PAQR5: variants seen among roughly 807,000 people sequenced by gnomAD.
PAQR5 encodes membrane progestin receptor gamma.
PAQR5 carries 20 observed loss-of-function variants against 34.5 expected under a neutral mutation model. The ratio of observed to expected loss-of-function variants is 0.58; its 90% CI spans 0.41 to 0.84. PAQR5 has a LOEUF of 0.84. PAQR5 is among the 40% of genes least tolerant of loss of function. The pLI is 0.00. For synonymous variants in PAQR5, 131 were observed against 155.6 expected, an observed-to-expected ratio of 0.84 and a Z score of 1.18; for missense variants, 378 against 412.7, an observed-to-expected ratio of 0.92 and a Z score of 0.73.
intron 1 of PAQR5, among the ~76,000 whole-genome samples, chr15:69,335,160 G>T (rs566968178): frequency 6.6e-6 from 1 of 151,314 alleles, no homozygotes; most frequent in South Asian, 2.1e-4. Context: ...GGAGGTGGAG[G>T]TTGTAGTGAG....
At chr15:69,351,998 T>A (rs1244984738) in intron 2 of PAQR5, among the ~76,000 whole-genome samples, 1 of 152,170 alleles carries the variant, frequency 6.6e-6, no homozygotes, top group African/African-American at 2.4e-5. Context: ...TAGTTGTGAG[T>A]GGATCCTAGA....
chr15:69,362,598 C>T (rs1478849972), intron 3 of PAQR5, among the ~76,000 whole-genome samples: 1 of 152,232 alleles, frequency 6.6e-6, no homozygotes, highest in African/African-American at 2.4e-5. Context: ...AAGATAATCT[C>T]TCTACCTCAG....
At chr15:69,311,875 A>G (rs903318332) in intron 1 of PAQR5, among the ~76,000 whole-genome samples, 2 of 152,336 alleles carry the variant, frequency 1.3e-5, no homozygotes, top group Admixed American at 6.5e-5. Flanking sequence ...CATCAATTAA[A>G]ATCCTGCAGG....
chr15:69,307,125 C>T (rs564404333), intron 1 of PAQR5, among the ~76,000 whole-genome samples: 129 of 150,672 alleles, frequency 8.6e-4, no homozygotes, highest in Non-Finnish European at 1.5e-3. Context: ...GAGATAGTCT[C>T]GCTCTGTCAC....
At chr15:69,381,066 G>A (rs1289066174) in intron 4 of PAQR5, among the ~76,000 whole-genome samples, 3 of 152,236 alleles carry the variant, frequency 2.0e-5, no homozygotes, top group Non-Finnish European at 2.9e-5. Context: ...GGACTAGGGT[G>A]ATCTGTAAAG....
chr15:69,310,081 A>G (rs2053798082), intron 1 of PAQR5, among the ~76,000 whole-genome samples: 1 of 152,052 alleles, frequency 6.6e-6, no homozygotes, highest in Admixed American at 6.6e-5. Flanking sequence ...ACGAAACAAC[A>G]ACAACAACAA....
At chr15:69,344,507 C>G (rs761833277) in intron 2 of PAQR5, among the ~76,000 whole-genome samples, 2 of 152,214 alleles carry the variant, frequency 1.3e-5, no homozygotes, top group Non-Finnish European at 2.9e-5. Flanking sequence ...CTTTCAAATG[C>G]TAACTAACCA....
chr15:69,325,422 A>G (rs2054226737), intron 1 of PAQR5, among the ~76,000 whole-genome samples: 1 of 152,200 alleles, frequency 6.6e-6, no homozygotes, highest in East Asian at 1.9e-4. Context: ...TGAGTCTGCA[A>G]TAACCACTGC....
At chr15:69,309,401 T>G (rs1265747030) in intron 1 of PAQR5, among the ~76,000 whole-genome samples, 1 of 151,780 alleles carries the variant, frequency 6.6e-6, no homozygotes, top group Non-Finnish European at 1.5e-5. Flanking sequence ...GATTTTGAAG[T>G]GCTATGAGGA....
chr15:69,384,766 C>T lies in PAQR5; in HGVS notation c.269C>T (p.Thr90Ile), dbSNP rs1249235439. 7 of 1,613,454 alleles carry T rather than the reference C, an allele frequency of 4.3e-6. No homozygotes were observed. Among genetic ancestry groups the T allele is most frequent in the African/African-American group, 1.3e-5 (1 of 74,878 alleles). Residue 90 changes from threonine to isoleucine, a missense_variant, in exon 5 of 9, where the codon ACC becomes ATC. Transcript: ENST00000395407. ...YSWPMLVYMCTSCVYPLVSSC... is the reference protein window; with the variant it reads ...YSWPMLVYMCISCVYPLVSSC... ...TGGCCCATGCTTGTGTACATGTGCA[C>T]CAGCTGCGTGTACCCACTTGTGTCC...
At chr15:69,330,870 C>A (rs1390380386) in intron 1 of PAQR5, among the ~76,000 whole-genome samples, 1 of 152,206 alleles carries the variant, frequency 6.6e-6, no homozygotes, top group Non-Finnish European at 1.5e-5. Flanking sequence ...CCCTTGGGCA[C>A]TTACAAATTT....
intron 1 of PAQR5, among the ~76,000 whole-genome samples, chr15:69,323,435 C>G (rs1203396499): frequency 6.6e-6 from 1 of 152,166 alleles, no homozygotes; most frequent in Non-Finnish European, 1.5e-5. Context: ...GACTTGGTCC[C>G]CAGCTCCCCT....
intron 6 of PAQR5, 177 bp from the exon 7 acceptor site, chr15:69,397,291 T>C (rs758764216): frequency 1.4e-6 from 1 of 702,498 alleles, no homozygotes; most frequent in South Asian, 1.5e-5. Context: ...TTTTGTCACT[T>C]CCATTGGGGT....
chr15:69,374,274 A>G (rs921496539), intron 3 of PAQR5, among the ~76,000 whole-genome samples: 1 of 152,160 alleles, frequency 6.6e-6, no homozygotes, highest in African/African-American at 2.4e-5. Flanking sequence ...TTGAGAGCCT[A>G]AGTATTTCTG....
At chr15:69,382,778 A>G (rs1292029976) in intron 4 of PAQR5, 1 of 2,076 alleles carries the variant, frequency 4.8e-4, no homozygotes, top group Admixed American at 5.8e-3. Flanking sequence ...ATATGTGACC[A>G]TATATATATA....
chr15:69,353,656 C>T (rs2140804727), intron 2 of PAQR5, among the ~76,000 whole-genome samples: 1 of 152,286 alleles, frequency 6.6e-6, no homozygotes, highest in East Asian at 1.9e-4. Context: ...GGTACTATTT[C>T]TCCCACAGCC....
chr15:69,384,621 G>T, intron 4 of PAQR5, 56 bp from the exon 5 acceptor site: 1 of 1,168,990 alleles, frequency 8.6e-7, no homozygotes, highest in Non-Finnish European at 1.3e-6. Flanking sequence ...CATGGTGGAG[G>T]GTGAGCGGGC....
At chr15:69,305,006 C>T (rs946124935) in intron 1 of PAQR5, among the ~76,000 whole-genome samples, 5 of 152,210 alleles carry the variant, frequency 3.3e-5, no homozygotes, top group Non-Finnish European at 5.9e-5. Flanking sequence ...GACTTTGATC[C>T]TGTCACTTCC....
At chr15:69,403,544 C>G (rs2056699656) in intron 8 of PAQR5, 37 bp from the exon 9 acceptor site, 1 of 1,607,806 alleles carries the variant, frequency 6.2e-7, no homozygotes, top group Non-Finnish European at 8.5e-7. Context: ...CATTCCTTTT[C>G]ATTGCTGATC....
Sources: allele counts gnomAD v4.1 joint callset (sites outside exome capture counted in the v4.1 genomes callset), GRCh38; gene constraint gnomAD v4.1.1; transcripts MANE v1.5; gene names NCBI Gene and HGNC (gene_info 2026-07-23, HGNC 2026-07-21).